Variants in PTCH1 observed in about 807,000 individuals in gnomAD.
The protein encoded by PTCH1 is protein patched homolog 1.
In PTCH1, 14 loss-of-function variants were observed where a neutral mutation model predicts 144.6. The observed-to-expected ratio is 0.10, with a 90% CI of 0.06 to 0.15. PTCH1 has a LOEUF of 0.15. Among genes scored for constraint, PTCH1 ranks in the 10% least tolerant of loss-of-function variants. PTCH1 has a pLI of 1.00. For synonymous variants in PTCH1, 833 were observed against 793.6 expected, an observed-to-expected ratio of 1.05 and a Z score of -0.83; for missense variants, 1,623 against 1,948.3, an observed-to-expected ratio of 0.83 and a Z score of 3.14.
chr9:95,459,367 C>T (rs1257307009), intron 17 of PTCH1, among the ~76,000 whole-genome samples: 1 of 152,240 alleles, frequency 6.6e-6, no homozygotes, highest in Non-Finnish European at 1.5e-5. Flanking sequence ...AACGTCTTAG[C>T]ATTAAAGCTA....
chr9:95,463,238 G>C (rs1003750541), intron 15 of PTCH1, among the ~76,000 whole-genome samples: 2 of 152,076 alleles, frequency 1.3e-5, no homozygotes, highest in Non-Finnish European at 2.9e-5. Flanking sequence ...TGGGGAGGGA[G>C]GGGGAGCACA....
intron 2 of PTCH1, among the ~76,000 whole-genome samples, chr9:95,493,389 G>A (rs1433348797): frequency 6.6e-6 from 1 of 152,252 alleles, no homozygotes; most frequent in Admixed American, 6.5e-5. Flanking sequence ...CCGTATGTGA[G>A]GGACGCAGAG....
At chr9:95,459,213 A>G (rs927846022) in intron 17 of PTCH1, among the ~76,000 whole-genome samples, 4 of 152,198 alleles carry the variant, frequency 2.6e-5, no homozygotes, top group African/African-American at 9.6e-5. Flanking sequence ...TGTGCCAAAA[A>G]TCCCTTCAAC....
chr9:95,495,771 G>T (rs1369993287), intron 2 of PTCH1, among the ~76,000 whole-genome samples: 2 of 152,162 alleles, frequency 1.3e-5, no homozygotes, highest in Admixed American at 1.3e-4. Flanking sequence ...AAAAGGATGG[G>T]TGGGAAGAAA....
Position 95,445,981 on chromosome 9 carries a change from T to A in PTCH1, c.*412A>T, listed in dbSNP as rs544355021. 4.4e-4 allele frequency: 73 copies of A among 164,196 alleles called. No homozygotes were observed. The highest frequency in any genetic ancestry group is 2.6e-3 in the Admixed American group (43 of 16,860). 10.2% of individuals were successfully genotyped at this position (164,196 alleles called of 1,614,324 possible). A position where few individuals can be genotyped will look rare whatever the true frequency, so the allele number is the denominator to read the frequency against. ...AACAGAAACCTTTACAAAATAATCC[T>A]ATTACATAAGCAATATTTGCATAGA... On this transcript the variant is annotated 3_prime_UTR_variant, in exon 24 of 24. Coordinates refer to ENST00000331920, the MANE Select transcript of PTCH1 (RefSeq NM_000264.5).
chr9:95,477,576 C>G lies in PTCH1; in HGVS notation c.1474G>C (p.Gly492Arg), dbSNP rs2118303660. 6.2e-7 allele frequency: 1 copy of G among 1,614,136 alleles called. No homozygotes were observed. The highest frequency in any genetic ancestry group is 8.5e-7 in the Non-Finnish European group (1 of 1,180,040). Residue 492 changes from glycine to arginine, a missense_variant, in exon 10 of 24, where the codon GGA (glycine) becomes CGA (arginine). Coordinates refer to ENST00000331920, the MANE Select transcript of PTCH1 (RefSeq NM_000264.5). ...GTTGTTGCAGCGTTAAAGGAAATTC[C>G]GATCAATGAGCACAGGCCCAGTCCT... is the stretch of plus-strand genomic sequence containing the variant. ...AAGLGLCSLI[G>R]ISFNAATTQV...
chr9:95,489,674 T>G (rs1842231614), intron 2 of PTCH1, among the ~76,000 whole-genome samples: 1 of 151,932 alleles, frequency 6.6e-6, no homozygotes, highest in Admixed American at 6.5e-5. Flanking sequence ...TAACATATTT[T>G]TAAAATAATC....
chr9:95,486,022 T>C, intron 2 of PTCH1, 148 bp from the exon 3 acceptor site: 1 of 865,358 alleles, frequency 1.2e-6, no homozygotes, highest in Non-Finnish European at 1.9e-6. Flanking sequence ...ATTCACTTTA[T>C]TAATGGCAAT....
intron 18 of PTCH1, among the ~76,000 whole-genome samples, chr9:95,456,925 T>A (rs966278511): frequency 2.0e-5 from 3 of 152,226 alleles, no homozygotes; most frequent in East Asian, 3.9e-4. Flanking sequence ...GTTTTGCTTT[T>A]GTGAGTGAAC....
intron 12 of PTCH1, chr9:95,474,029 C>T (rs1379168291): frequency 2.1e-6 from 1 of 474,242 alleles, no homozygotes; most frequent in Non-Finnish European, 4.2e-6. Flanking sequence ...GAATTTAGCG[C>T]ACTGGATTTT....
chr9:95,495,676 T>A (rs1157122362), intron 2 of PTCH1, among the ~76,000 whole-genome samples: 2 of 152,004 alleles, frequency 1.3e-5, no homozygotes, highest in East Asian at 3.9e-4. Flanking sequence ...ACCAATGCTA[T>A]CCCATCCAGC....
intron 2 of PTCH1, among the ~76,000 whole-genome samples, chr9:95,497,117 T>C (rs1439077128): frequency 6.6e-6 from 1 of 152,230 alleles, no homozygotes; most frequent in Non-Finnish European, 1.5e-5. Context: ...GGCGCAGGTA[T>C]TTCAACAATT....
rs537510604 is a variant in PTCH1, at chr9:95,458,600, T to C, written c.2888-307A>G. ...CATTTTTTTGTTCCCTTGACACATATGAAAATACCAAGTTCACACAGTTTT... is the reference window on the plus strand; with the variant it reads ...CATTTTTTTGTTCCCTTGACACATACGAAAATACCAAGTTCACACAGTTTT... On this transcript the variant is annotated intron_variant, in intron 17 of 23. Transcript: ENST00000331920. This position sits in a 1 kb window ranked among gnomAD's most constrained non-coding sequence, Gnocchi z 4.7. 1.3e-5 allele frequency among the ~76,000 whole-genome samples: 2 copies of C among 152,346 alleles called. No individual in the cohort carries two copies. The highest frequency in any genetic ancestry group is 4.1e-4 in the South Asian group (2 of 4,832).
chr9:95,459,896 T>G, intron 16 of PTCH1, 113 bp from the exon 17 acceptor site: 1 of 1,151,352 alleles, frequency 8.7e-7, no homozygotes. Context: ...AAGAATAGAA[T>G]GCCTACTGTT....
intron 19 of PTCH1, among the ~76,000 whole-genome samples, chr9:95,453,897 T>C (rs550280390): frequency 1.3e-5 from 2 of 152,308 alleles, no homozygotes; most frequent in East Asian, 3.9e-4. Context: ...TTTTCACTGA[T>C]ACTCACCCCG....
chr9:95,481,071 C>T (rs139640349), intron 5 of PTCH1, among the ~76,000 whole-genome samples: 39 of 152,302 alleles, frequency 2.6e-4, no homozygotes, highest in Non-Finnish European at 4.4e-4. Flanking sequence ...AATGGGCAAG[C>T]CCCCTGCAGC....
intron 2 of PTCH1, among the ~76,000 whole-genome samples, chr9:95,499,315 G>A (rs1288591157): frequency 2.0e-5 from 3 of 151,004 alleles, no homozygotes; most frequent in African/African-American, 7.3e-5. Flanking sequence ...GGATGCAAAT[G>A]GCAGCTCTGT....
At chr9:95,455,709 G>C (rs1406694536) in intron 19 of PTCH1, among the ~76,000 whole-genome samples, 4 of 152,208 alleles carry the variant, frequency 2.6e-5, no homozygotes, top group Non-Finnish European at 1.5e-5. Context: ...GAATGTAGAG[G>C]CTGGGAGGTC....
At chr9:95,507,549 G>T (rs1843784872) in intron 1 of PTCH1, 3 of 638,826 alleles carry the variant, frequency 4.7e-6, no homozygotes, top group African/African-American at 4.0e-5. Flanking sequence ...AAGGAGAGGC[G>T]GCTCAAAACC....
Sources: allele counts gnomAD v4.1 joint callset (sites outside exome capture counted in the v4.1 genomes callset), GRCh38; gene constraint gnomAD v4.1.1; non-coding constraint Gnocchi (gnomAD v3.1); transcripts MANE v1.5; gene names NCBI Gene and HGNC (gene_info 2026-07-23, HGNC 2026-07-21).